TRIM71: variants seen among roughly 807,000 people sequenced by gnomAD.
TRIM71 encodes the protein tripartite motif containing 71.
In TRIM71, 9 loss-of-function variants were observed where a neutral mutation model predicts 61.2. The observed-to-expected ratio is 0.15, with a 90% confidence interval of 0.09 to 0.26. The LOEUF (loss-of-function observed/expected upper bound fraction) is 0.26. Ranked by LOEUF, TRIM71 falls within the 10% of genes least tolerant of loss-of-function variation. TRIM71 has a pLI of 1.00. For synonymous variants in TRIM71, 645 were observed against 553.2 expected (o/e 1.17, Z -2.33); for missense variants, 998 against 1,238.7 (o/e 0.81, Z 2.92).
intron 1 of TRIM71, among the ~76,000 whole-genome samples, chr3:32,855,462 A>G (rs367692952): frequency 2.0e-5 from 3 of 152,000 alleles, no homozygotes; most frequent in African/African-American, 7.3e-5. Flanking sequence ...CCAGGAGTGA[A>G]GTGGGGGAGC....
rs1697030771 is a variant in TRIM71 at position 32,891,884 on chromosome 3, C to CTT, written c.*74_*75insTT. ...TCTCTCTCTCTCTCTTTCTCTTTCT[C>CTT]TCTCTTTTTGAATTTCAAAGAAGAA... On this transcript the variant is annotated 3_prime_UTR_variant, in exon 4 of 4. Transcript: ENST00000383763. This position sits in a 1 kb window ranked among gnomAD's most constrained non-coding sequence, Gnocchi z 8.2. 70 of 1,525,426 alleles carry CTT rather than the reference C, an allele frequency of 4.6e-5. No individual in the cohort carries two copies. In the South Asian group the frequency reaches 7.8e-4, roughly 17 times the overall value. The allele number at this position is 1,525,426 out of a possible 1,614,324, so 94.5% of individuals were successfully genotyped here. A position where few individuals can be genotyped will look rare whatever the true frequency, so the allele number is the denominator to read the frequency against.
intron 3 of TRIM71, among the ~76,000 whole-genome samples, chr3:32,887,160 C>T (rs1014676252): frequency 4.6e-5 from 7 of 152,158 alleles, no homozygotes; most frequent in African/African-American, 1.7e-4. Flanking sequence ...CAAACTCGCT[C>T]TTCTGGATTT....
intron 2 of TRIM71, among the ~76,000 whole-genome samples, chr3:32,874,609 G>A (rs955467844): frequency 1.1e-4 from 17 of 151,822 alleles, no homozygotes; most frequent in African/African-American, 1.7e-4. Flanking sequence ...TGCAAGCTCC[G>A]CCTCCCAGGT....
chr3:32,870,440 T>C (rs1696782776), intron 1 of TRIM71, among the ~76,000 whole-genome samples: 1 of 151,996 alleles, frequency 6.6e-6, no homozygotes, highest in African/African-American at 2.4e-5. Flanking sequence ...CCACAGTGTG[T>C]TCTGGGTACT....
rs570146845 is a variant in TRIM71, at chr3:32,897,561, T to C, written c.*5750T>C. Reference sequence around the variant, plus strand: ...TGGCTTTCACATTTTAAATCTTAAATGTTACTATTGCAGGCCGCAGGCATG... The same window carrying C: ...TGGCTTTCACATTTTAAATCTTAAACGTTACTATTGCAGGCCGCAGGCATG... On this transcript the variant is annotated 3_prime_UTR_variant, in exon 4 of 4. Transcript: ENST00000383763. The C allele has an allele frequency of 2.2e-3, 342 of 152,274 alleles. 2 individuals are homozygous for C. Among genetic ancestry groups the C allele is most frequent in the African/African-American group, 7.9e-3 (329 of 41,554 alleles). 9.4% of individuals were successfully genotyped at this position (152,274 alleles called of 1,614,324 possible). A position where few individuals can be genotyped will look rare whatever the true frequency, so the allele number is the denominator to read the frequency against.
chr3:32,848,935 A>T (rs1279669472), intron 1 of TRIM71, among the ~76,000 whole-genome samples: 2 of 152,148 alleles, frequency 1.3e-5, no homozygotes, highest in African/African-American at 4.8e-5. Flanking sequence ...CCTCACCCCT[A>T]TTCAATGAGT....
At chr3:32,835,809 T>C (rs887523028) in intron 1 of TRIM71, among the ~76,000 whole-genome samples, 4 of 140,094 alleles carry the variant, frequency 2.9e-5, no homozygotes, top group South Asian at 2.3e-4. Flanking sequence ...TATCTGTAAA[T>C]TTTATTTTTA....
chr3:32,865,506 ACT>A (rs1696723180), intron 1 of TRIM71, among the ~76,000 whole-genome samples: 2 of 152,180 alleles, frequency 1.3e-5, no homozygotes, highest in East Asian at 3.9e-4. Flanking sequence ...ACTTTGTCTG[ACT>A]CTGCCAAAAC....
intron 1 of TRIM71, among the ~76,000 whole-genome samples, chr3:32,827,282 T>TTTTTTTTTTTTTTTTG (rs1696214185): frequency 1.3e-5 from 2 of 151,240 alleles, no homozygotes; most frequent in African/African-American, 2.4e-5. Flanking sequence ...TTTTTTTTTT[T>TTTTTTTTTTTTTTTTG]GGGTGGAGTC....
intron 1 of TRIM71, among the ~76,000 whole-genome samples, chr3:32,849,823 AC>A (rs1041216981): frequency 1.3e-5 from 2 of 152,140 alleles, no homozygotes; most frequent in African/African-American, 4.8e-5. Flanking sequence ...TGACCTGTGT[AC>A]TTTCTCTCCA....
chr3:32,832,414 G>A (rs1384695402), intron 1 of TRIM71, among the ~76,000 whole-genome samples: 1 of 152,190 alleles, frequency 6.6e-6, no homozygotes, highest in African/African-American at 2.4e-5. Context: ...GCTGCAGTGC[G>A]CTATGATCAT....
intron 1 of TRIM71, among the ~76,000 whole-genome samples, chr3:32,841,223 C>T (rs1011627229): frequency 4.6e-5 from 7 of 152,018 alleles, no homozygotes; most frequent in South Asian, 2.1e-4. Context: ...CCAGCCTGGG[C>T]GACAGAGCGA....
At chr3:32,885,296 G>A (rs941288243) in intron 2 of TRIM71, among the ~76,000 whole-genome samples, 4 of 151,972 alleles carry the variant, frequency 2.6e-5, no homozygotes, top group Non-Finnish European at 4.4e-5. Context: ...ACAATAATAC[G>A]TCTGATTAAA....
intron 1 of TRIM71, 27 bp downstream of exon 1, chr3:32,818,959 G>C (rs1383657827): frequency 1.9e-6 from 3 of 1,606,194 alleles, no homozygotes; most frequent in Non-Finnish European, 2.5e-6. Context: ...GTGTGTTTGT[G>C]TCCATCGGAT....
At position 32,818,815 on chromosome 3, in the gene TRIM71, C is replaced by A. The variant is rs767920185; in HGVS notation, c.735C>A (p.Pro245=). 12 of 1,609,880 alleles carry A rather than the reference C, an allele frequency of 7.5e-6. No individual in the cohort carries two copies. Among genetic ancestry groups the A allele is most frequent in the Non-Finnish European group, 9.3e-6 (11 of 1,178,568 alleles). ...DHYIERGPPG[P]GAAAAAQQLG... is the part of the protein sequence containing the mutation. ...ACATCGAGCGCGGCCCGCCGGGTCC[C>A]GGTGCCGCAGCAGCGGCGCAGCAGC... The change falls in exon 1 of 4, where the codon CCC becomes CCA. Residue 245 remains proline (P), a synonymous_variant. Coordinates refer to ENST00000383763, the MANE Select transcript of TRIM71 (RefSeq NM_001039111.3).
In TRIM71 at chr3:32,885,878, T is replaced by G. The variant is rs191150190; in HGVS notation, c.1021-56T>G. The G allele has an allele frequency of 6.7e-5, 105 of 1,574,236 alleles. No individual in the cohort carries two copies. The African/African-American group carries it at 1.2e-3, about 18-fold the overall frequency. On this transcript the variant is annotated intron_variant, in intron 2 of 3. Transcript: ENST00000383763. ...TGACAGAGCAGATTCAAATGTTTTG[T>G]ATAAGGAATGACAGTCCTTCTAATG... is the stretch of plus-strand genomic sequence containing the variant.
intron 1 of TRIM71, among the ~76,000 whole-genome samples, chr3:32,851,387 C>T (rs1696536681): frequency 6.6e-6 from 1 of 152,222 alleles, no homozygotes; most frequent in Non-Finnish European, 1.5e-5. Flanking sequence ...TTAACTGAAT[C>T]CACCCAGCTA....
At chr3:32,857,589 ATACATGTATTATGTATTATTTGTATGT>A (rs1696619375) in intron 1 of TRIM71, among the ~76,000 whole-genome samples, 1 of 152,210 alleles carries the variant, frequency 6.6e-6, no homozygotes, top group South Asian at 2.1e-4. Flanking sequence ...AAGTCAATTA[ATACATGTATTATGTATTATTTGTATGT>A]TACATGTATT....
intron 1 of TRIM71, among the ~76,000 whole-genome samples, chr3:32,841,723 T>C (rs1696408112): frequency 6.6e-6 from 1 of 152,208 alleles, no homozygotes; most frequent in Admixed American, 6.5e-5. Context: ...TGATGAAACG[T>C]TCTAAAGTTT....
Sources: allele counts gnomAD v4.1 joint callset (sites outside exome capture counted in the v4.1 genomes callset), GRCh38; gene constraint gnomAD v4.1.1; non-coding constraint Gnocchi (gnomAD v3.1); transcripts MANE v1.5; gene names NCBI Gene and HGNC (gene_info 2026-07-23, HGNC 2026-07-21).